KDM7A: variants seen among roughly 807,000 people sequenced by gnomAD.
KDM7A encodes the protein lysine demethylase 7A.
Under a neutral mutation model 114.8 loss-of-function variants are expected in KDM7A, and 28 were observed. That is an observed-to-expected ratio of 0.24 (90% CI 0.18 to 0.33). KDM7A has a LOEUF of 0.33. Ranked by LOEUF, KDM7A falls within the 10% of genes least tolerant of loss-of-function variation. The pLI is 1.00. For synonymous variants in KDM7A, 423 were observed against 397.8 expected (o/e 1.06, Z -0.75); for missense variants, 942 against 1,142.5 (o/e 0.82, Z 2.53).
At chr7:140,109,630 T>C (rs1818400367) in intron 11 of KDM7A, among the ~76,000 whole-genome samples, 1 of 152,246 alleles carries the variant, frequency 6.6e-6, no homozygotes, top group Admixed American at 6.5e-5. Context: ...TGGTTTTCCC[T>C]GTAGTTATTT....
chr7:140,155,886 G>A (rs1434621174), intron 1 of KDM7A, among the ~76,000 whole-genome samples: 3 of 152,170 alleles, frequency 2.0e-5, no homozygotes, highest in African/African-American at 4.8e-5. Flanking sequence ...AATCTCCTGA[G>A]TAACTTTTCT....
At chr7:140,108,697 C>G (rs1818384147) in intron 11 of KDM7A, among the ~76,000 whole-genome samples, 1 of 152,226 alleles carries the variant, frequency 6.6e-6, no homozygotes, top group Non-Finnish European at 1.5e-5. Context: ...AGGTGTCTCC[C>G]ATTTAGGCTA....
chr7:140,134,872 A>G (rs1391391939), intron 2 of KDM7A, among the ~76,000 whole-genome samples: 8 of 152,114 alleles, frequency 5.3e-5, no homozygotes, highest in Admixed American at 3.9e-4. Flanking sequence ...TCCACCTTAC[A>G]AAGATCACAG....
Position 140,176,653 on chromosome 7 carries a change from C to A in KDM7A, c.194+91G>T. 1 of 940,486 alleles carries A rather than the reference C, an allele frequency of 1.1e-6. No individual in the cohort carries two copies. Among genetic ancestry groups the A allele is most frequent in the Non-Finnish European group, 1.3e-6 (1 of 781,018 alleles). The allele number at this position is 940,486 out of a possible 1,614,324, so 58.3% of individuals were successfully genotyped here. ...TGAAAGCTGGGCGCGGCGCGGCGGC[C>A]CGGCCCGAGGGAGGCGCGGGCGGCC... On this transcript the variant is annotated intron_variant, in intron 1 of 19. Coordinates refer to ENST00000397560, the MANE Select transcript of KDM7A (RefSeq NM_030647.2). This position sits in a 1 kb window ranked among gnomAD's most constrained non-coding sequence, Gnocchi z 4.4.
Position 140,100,661 on chromosome 7 carries a change from T to TATATATATATATATACAC in KDM7A, c.1639-639_1639-638insGTGTATATATATATATAT, listed in dbSNP as rs1491462744. On this transcript the variant is annotated intron_variant, in intron 12 of 19. Coordinates refer to ENST00000397560, the MANE Select transcript of KDM7A (RefSeq NM_030647.2). The stretch of plus-strand genomic sequence containing the variant: ...TACAATTTAAAATATTTTAAAAAGT[T>TATATATATATATATACAC]ATATATATATATATATATACATATA... 1.5e-3 allele frequency among the ~76,000 whole-genome samples: 61 copies of TATATATATATATATACAC among 40,708 alleles called. 1 individual carries two copies. The highest frequency in any genetic ancestry group is 3.8e-3 in the South Asian group (6 of 1,562). 26.7% of individuals were successfully genotyped at this position (40,708 alleles called of 152,430 possible). A position where few individuals can be genotyped will look rare whatever the true frequency, so the allele number is the denominator to read the frequency against.
intron 18 of KDM7A, among the ~76,000 whole-genome samples, chr7:140,092,312 A>G (rs896128425): frequency 2.6e-4 from 40 of 152,186 alleles, no homozygotes; most frequent in African/African-American, 9.4e-4. Context: ...AGAGTGAGAG[A>G]AAACAACGTA....
chr7:140,141,605 A>T (rs920241707), intron 1 of KDM7A, among the ~76,000 whole-genome samples: 2 of 152,046 alleles, frequency 1.3e-5, no homozygotes, highest in African/African-American at 2.4e-5. Context: ...TTTAAAAAAG[A>T]TATATTGGCC....
At chr7:140,114,227 G>A (rs1322782862) in intron 9 of KDM7A, among the ~76,000 whole-genome samples, 2 of 152,076 alleles carry the variant, frequency 1.3e-5, no homozygotes, top group Non-Finnish European at 2.9e-5. Context: ...AGCGGAAGCT[G>A]GACTGTACTG....
chr7:140,096,719 C>T lies in KDM7A; in HGVS notation c.2210G>A (p.Gly737Asp). Residue 737 changes from glycine (G) to aspartate (D), a missense_variant, in exon 17 of 20, where the codon GGC becomes GAC. Coordinates refer to ENST00000397560, the MANE Select transcript of KDM7A (RefSeq NM_030647.2). ...STSTEEEAIQ[G>D]MLSMAGLHYS... ...GTGCAACCCTGCCATAGACAGCATG[C>T]CCTGAATAGCTTCTTCCTCTGTGCT... The T allele has an allele frequency of 6.2e-7, 1 of 1,614,142 alleles. No individual in the cohort carries two copies.
intron 1 of KDM7A, among the ~76,000 whole-genome samples, chr7:140,152,223 T>A (rs1278695477): frequency 6.6e-6 from 1 of 152,170 alleles, no homozygotes; most frequent in Non-Finnish European, 1.5e-5. Context: ...GCTTTTTCAT[T>A]CTTGATGAAA....
chr7:140,115,503 C>T (rs559130089), intron 9 of KDM7A, among the ~76,000 whole-genome samples: 9 of 152,268 alleles, frequency 5.9e-5, no homozygotes, highest in Non-Finnish European at 7.3e-5. Flanking sequence ...CCCCCAACCC[C>T]GTGCTCTCTG....
chr7:140,113,406 C>T, intron 10 of KDM7A, 85 bp downstream of exon 10: 1 of 711,854 alleles, frequency 1.4e-6, no homozygotes, highest in Non-Finnish European at 2.4e-6. Context: ...CTGGCATTCA[C>T]ACGTGCTGCC....
intron 2 of KDM7A, among the ~76,000 whole-genome samples, chr7:140,136,875 T>C: frequency 6.6e-6 from 1 of 152,046 alleles, no homozygotes; most frequent in East Asian, 1.9e-4. Context: ...TAATCCCAGC[T>C]ACTCAGGAGG....
chr7:140,160,514 C>G (rs943283583), intron 1 of KDM7A, among the ~76,000 whole-genome samples: 1 of 152,154 alleles, frequency 6.6e-6, no homozygotes, highest in Non-Finnish European at 1.5e-5. Context: ...CAGACAGTCT[C>G]CGATTTACAA....
At chr7:140,100,775 T>C (rs2116751562) in intron 12 of KDM7A, among the ~76,000 whole-genome samples, 1 of 140,692 alleles carries the variant, frequency 7.1e-6, no homozygotes, top group East Asian at 2.1e-4. Flanking sequence ...TGTTTGTTTG[T>C]TTGGAGACGG....
chr7:140,110,755 CTT>C (rs1004148957), intron 11 of KDM7A, among the ~76,000 whole-genome samples: 40 of 152,316 alleles, frequency 2.6e-4, no homozygotes, highest in African/African-American at 8.4e-4. Flanking sequence ...CATTTCTTCT[CTT>C]GTTCTAATTA....
intron 1 of KDM7A, among the ~76,000 whole-genome samples, chr7:140,151,507 T>C (rs1052610696): frequency 6.6e-6 from 1 of 152,056 alleles, no homozygotes; most frequent in Non-Finnish European, 1.5e-5. Context: ...AGAAAATGAA[T>C]GTGAGGGGGA....
intron 18 of KDM7A, 71 bp downstream of exon 18, chr7:140,093,984 TA>T: frequency 1.0e-6 from 1 of 961,238 alleles, no homozygotes; most frequent in Non-Finnish European, 1.7e-6. Flanking sequence ...GTTACAGTTT[TA>T]AAAAAGAAAG....
intron 15 of KDM7A, 24 bp downstream of exon 15, chr7:140,097,521 C>T (rs761551564): frequency 7.9e-7 from 1 of 1,272,044 alleles, no homozygotes; most frequent in Admixed American, 2.0e-5. Context: ...AAATAACGTA[C>T]AAGCCATGGG....
Sources: gnomAD v4.1 joint callset for allele counts (sites outside exome capture counted in the v4.1 genomes callset) on GRCh38, gnomAD v4.1.1 for gene constraint, Gnocchi (gnomAD v3.1) non-coding constraint, MANE v1.5 for transcripts, NCBI Gene and HGNC (gene_info 2026-07-23, HGNC 2026-07-21) for gene names.